Variants in BMP6 observed in about 807,000 individuals in gnomAD.
BMP6 encodes the protein VG-1-R.
In BMP6, 17 loss-of-function variants were observed where a neutral mutation model predicts 54.1. The ratio of observed to expected loss-of-function variants is 0.31; its 90% confidence interval spans 0.22 to 0.47. The LOEUF (loss-of-function observed/expected upper bound fraction) is 0.47. Ranked by LOEUF, BMP6 falls within the 20% of genes least tolerant of loss-of-function variation. The probability of loss-of-function intolerance (pLI) is 1.00; values close to 1 mark genes in which losing one functional copy is unlikely to be tolerated. For missense variants in BMP6, 720 were observed against 690.4 expected, an observed-to-expected ratio of 1.04 and a Z score of -0.48; for synonymous variants, 328 against 291.2, an observed-to-expected ratio of 1.13 and a Z score of -1.28.
At chr6:7,863,180 A>G (rs1759364172) in intron 4 of BMP6, among the ~76,000 whole-genome samples, 1 of 152,036 alleles carries the variant, frequency 6.6e-6, no homozygotes, top group African/African-American at 2.4e-5. Flanking sequence ...TTGTATTTTT[A>G]GTAAAGACAG....
At chr6:7,850,615 AT>A (rs1759127131) in intron 2 of BMP6, among the ~76,000 whole-genome samples, 1 of 152,152 alleles carries the variant, frequency 6.6e-6, no homozygotes, top group South Asian at 2.1e-4. Flanking sequence ...GTAAAAACAC[AT>A]TTTCCAGAAT....
intron 1 of BMP6, among the ~76,000 whole-genome samples, chr6:7,816,137 A>G (rs898962851): frequency 6.6e-6 from 1 of 152,240 alleles, no homozygotes; most frequent in Non-Finnish European, 1.5e-5. Flanking sequence ...TTAGTAGGTT[A>G]GAAAATTGCT....
intron 1 of BMP6, among the ~76,000 whole-genome samples, chr6:7,762,004 C>T (rs924437045): frequency 4.6e-5 from 7 of 152,168 alleles, no homozygotes; most frequent in Non-Finnish European, 7.3e-5. Context: ...TCACTGCAAC[C>T]TCCACTTTCT....
chr6:7,771,935 C>T (rs544924162), intron 1 of BMP6, among the ~76,000 whole-genome samples: 3 of 152,170 alleles, frequency 2.0e-5, no homozygotes, highest in East Asian at 3.9e-4. Flanking sequence ...TGCCTGTAAT[C>T]CCAGCTACTT....
chr6:7,810,104 G>T (rs1457978974), intron 1 of BMP6, among the ~76,000 whole-genome samples: 15 of 152,098 alleles, frequency 9.9e-5, no homozygotes, highest in African/African-American at 3.4e-4. Flanking sequence ...TTGGTTAATT[G>T]TATGTATTGA....
chr6:7,848,850 T>C (rs1221830382), intron 2 of BMP6, among the ~76,000 whole-genome samples: 1 of 152,218 alleles, frequency 6.6e-6, no homozygotes, highest in Admixed American at 6.5e-5. Flanking sequence ...CATTGTGTCC[T>C]TGTGATGATG....
chr6:7,735,909 A>G (rs1424995042), intron 1 of BMP6, among the ~76,000 whole-genome samples: 5 of 152,262 alleles, frequency 3.3e-5, no homozygotes, highest in African/African-American at 9.6e-5. Context: ...GAAGCTGTAC[A>G]TTAAACAAGG....
chr6:7,761,374 G>A (rs1757611329), intron 1 of BMP6, among the ~76,000 whole-genome samples: 1 of 152,232 alleles, frequency 6.6e-6, no homozygotes, highest in Admixed American at 6.5e-5. Context: ...TAATTGGGCA[G>A]TAGACAGAAG....
intron 1 of BMP6, among the ~76,000 whole-genome samples, chr6:7,808,638 G>T (rs1758388139): frequency 6.6e-6 from 1 of 152,152 alleles, no homozygotes; most frequent in African/African-American, 2.4e-5. Flanking sequence ...GTTAGGCTGG[G>T]CACAGTGGCT....
intron 1 of BMP6, among the ~76,000 whole-genome samples, chr6:7,817,079 C>G (rs1467228220): frequency 6.6e-6 from 1 of 152,206 alleles, no homozygotes; most frequent in East Asian, 1.9e-4. Context: ...GAGAAACCAG[C>G]TTTCAAAACA....
chr6:7,740,206 AAGTC>A lies in BMP6; in HGVS notation c.664+12590_664+12593del, dbSNP rs1188977781. 1.4e-4 allele frequency among the ~76,000 whole-genome samples: 22 copies of A among 152,204 alleles called. No homozygotes were observed. The East Asian group carries it at 4.3e-3, about 29-fold the overall frequency. ...CCTGGTGGTAGCTGTTGGGTTCAGAAAGTCAGATGCATCTGCAGAGATGTCCCCC... is the reference window on the plus strand; with the variant it reads ...CCTGGTGGTAGCTGTTGGGTTCAGAAAGATGCATCTGCAGAGATGTCCCCC... On this transcript the variant is annotated intron_variant, in intron 1 of 6. Transcript: ENST00000283147.
chr6:7,776,154 A>G (rs907559804), intron 1 of BMP6, among the ~76,000 whole-genome samples: 1 of 152,374 alleles, frequency 6.6e-6, no homozygotes, highest in Non-Finnish European at 1.5e-5. Context: ...TCTTAGGGGC[A>G]GTTACCTAAG....
At chr6:7,745,311 T>TC (rs1757330410) in intron 1 of BMP6, among the ~76,000 whole-genome samples, 1 of 152,220 alleles carries the variant, frequency 6.6e-6, no homozygotes, top group Non-Finnish European at 1.5e-5. Flanking sequence ...TCTCACTCTG[T>TC]CACCCAGGCT....
At chr6:7,736,217 A>G (rs1043156606) in intron 1 of BMP6, among the ~76,000 whole-genome samples, 7 of 152,214 alleles carry the variant, frequency 4.6e-5, no homozygotes, top group African/African-American at 1.7e-4. Context: ...TACCTAGACA[A>G]TCCCTCAGGC....
intron 4 of BMP6, among the ~76,000 whole-genome samples, chr6:7,870,268 G>A (rs957098490): frequency 3.9e-5 from 6 of 152,138 alleles, no homozygotes; most frequent in Non-Finnish European, 7.3e-5. Flanking sequence ...GGAACACCCC[G>A]GTCTCTTATG....
intron 1 of BMP6, among the ~76,000 whole-genome samples, chr6:7,776,684 T>C (rs1370259883): frequency 6.6e-6 from 1 of 152,240 alleles, no homozygotes; most frequent in South Asian, 2.1e-4. Context: ...AGGGTCTTGC[T>C]CTATCACCTA....
At chr6:7,770,211 T>A (rs1204005854) in intron 1 of BMP6, among the ~76,000 whole-genome samples, 1 of 152,080 alleles carries the variant, frequency 6.6e-6, no homozygotes, top group African/African-American at 2.4e-5. Context: ...AAGATTTATT[T>A]AAAATGGGAA....
intron 4 of BMP6, among the ~76,000 whole-genome samples, chr6:7,877,201 T>C (rs529822826): frequency 5.3e-5 from 8 of 152,350 alleles, no homozygotes; most frequent in African/African-American, 1.9e-4. Flanking sequence ...AGGGTGGTTC[T>C]GTTGGGTAAC....
intron 1 of BMP6, among the ~76,000 whole-genome samples, chr6:7,832,293 A>G (rs890643934): frequency 1.3e-5 from 2 of 152,194 alleles, no homozygotes; most frequent in Non-Finnish European, 2.9e-5. Context: ...CTAACCCCCA[A>G]GGTGATGGTA....
Sources: allele counts gnomAD v4.1 joint callset (sites outside exome capture counted in the v4.1 genomes callset), GRCh38; gene constraint gnomAD v4.1.1; transcripts MANE v1.5; gene names NCBI Gene and HGNC (gene_info 2026-07-23, HGNC 2026-07-21).